The following CDH20 variants were observed in gnomAD, a reference collection of about 807,000 sequenced individuals.
The protein encoded by CDH20 is cadherin-20.
CDH20 carries 29 observed loss-of-function variants against 74.2 expected under a neutral mutation model. That is an observed-to-expected ratio of 0.39 (90% confidence interval 0.29 to 0.53). The LOEUF (loss-of-function observed/expected upper bound fraction) is 0.53. Ranked by LOEUF, CDH20 falls within the 20% of genes least tolerant of loss-of-function variation. The pLI is 0.69. For synonymous variants in CDH20, 469 were observed against 405.4 expected, an observed-to-expected ratio of 1.16 and a Z score of -1.88; for missense variants, 988 against 1,048.3, an observed-to-expected ratio of 0.94 and a Z score of 0.79.
intron 1 of CDH20, among the ~76,000 whole-genome samples, chr18:61,396,541 T>G (rs1411698006): frequency 6.6e-6 from 1 of 152,196 alleles, no homozygotes; most frequent in Non-Finnish European, 1.5e-5. Flanking sequence ...CTCCTTTCTG[T>G]TAGACAGCTC....
chr18:61,435,021 C>A (rs1342438562), intron 1 of CDH20, among the ~76,000 whole-genome samples: 5 of 152,096 alleles, frequency 3.3e-5, no homozygotes, highest in Non-Finnish European at 7.4e-5. Context: ...ATAAAGACAA[C>A]AATGACAAAG....
chr18:61,386,459 G>A (rs1340993081), intron 1 of CDH20, among the ~76,000 whole-genome samples: 1 of 152,158 alleles, frequency 6.6e-6, no homozygotes, highest in African/African-American at 2.4e-5. Flanking sequence ...CCAGCCTCCA[G>A]AACTATGAGA....
chr18:61,467,965 A>G (rs1910024269), intron 1 of CDH20, among the ~76,000 whole-genome samples: 1 of 152,228 alleles, frequency 6.6e-6, no homozygotes, highest in Non-Finnish European at 1.5e-5. Context: ...AGGAACTACT[A>G]TTAGCTTCGT....
intron 6 of CDH20, among the ~76,000 whole-genome samples, chr18:61,510,219 G>A (rs145342619): frequency 2.6e-5 from 4 of 152,174 alleles, no homozygotes; most frequent in Admixed American, 6.5e-5. Flanking sequence ...ACAGTGAAAC[G>A]AGCCCTGAGG....
intron 1 of CDH20, among the ~76,000 whole-genome samples, chr18:61,357,550 G>A (rs577692737): frequency 2.2e-4 from 34 of 152,282 alleles, no homozygotes; most frequent in African/African-American, 6.0e-4. Flanking sequence ...AAATGGCTGC[G>A]TTGTCTCCAG....
chr18:61,535,243 G>A (rs1013250302), intron 7 of CDH20, among the ~76,000 whole-genome samples: 2 of 151,944 alleles, frequency 1.3e-5, no homozygotes, highest in Non-Finnish European at 2.9e-5. Context: ...TTGAACCCAG[G>A]AGGCAGAGGC....
At chr18:61,387,762 C>T (rs1032301170) in intron 1 of CDH20, among the ~76,000 whole-genome samples, 1 of 152,150 alleles carries the variant, frequency 6.6e-6, no homozygotes, top group Non-Finnish European at 1.5e-5. Flanking sequence ...TTACAGTCTT[C>T]TAGTGCTTTG....
chr18:61,473,117 G>A (rs755258477), intron 1 of CDH20, among the ~76,000 whole-genome samples: 9 of 152,234 alleles, frequency 5.9e-5, no homozygotes, highest in Non-Finnish European at 1.2e-4. Flanking sequence ...ATTATGAACA[G>A]TATAATCAGA....
At chr18:61,427,525 GACT>G (rs1195760652) in intron 1 of CDH20, among the ~76,000 whole-genome samples, 1 of 152,142 alleles carries the variant, frequency 6.6e-6, no homozygotes, top group African/African-American at 2.4e-5. Context: ...TTTTGTCTGA[GACT>G]ACCAAAAAGT....
chr18:61,424,185 A>G (rs1252652337), intron 1 of CDH20, among the ~76,000 whole-genome samples: 1 of 152,232 alleles, frequency 6.6e-6, no homozygotes, highest in Non-Finnish European at 1.5e-5. Context: ...TATGATATCC[A>G]TCACCTCAAA....
chr18:61,503,843 G>C (rs186585254), intron 5 of CDH20, among the ~76,000 whole-genome samples: 1 of 152,154 alleles, frequency 6.6e-6, no homozygotes. Flanking sequence ...TTCAACAGGG[G>C]GCTAAAGAAT....
Position 61,545,150 on chromosome 18 carries a change from C to T in CDH20, c.1648+6C>T. ...TACCATAAGGGACAACCAAGGTAAT[C>T]AGGTGGATGGTTGGCTATCTGTGCT... On this transcript the variant is annotated splice_donor_region_variant and intron_variant, in intron 10 of 11. Transcript: ENST00000262717. The T allele has an allele frequency of 6.4e-7, 1 of 1,568,654 alleles. No homozygotes were observed. Among genetic ancestry groups the T allele is most frequent in the Non-Finnish European group, 8.8e-7 (1 of 1,138,480 alleles).
At position 61,536,548 on chromosome 18, in the gene CDH20, A is replaced by G. The variant is rs767369837; in HGVS notation, c.1327A>G (p.Thr443Ala). 6.2e-7 allele frequency: 1 copy of G among 1,613,262 alleles called. No individual in the cohort carries two copies. Among genetic ancestry groups the G allele is most frequent in the Admixed American group, 1.7e-5 (1 of 60,026 alleles). ...PGRFFYVDIT[T>A]GALMTARPLD... ...AAGATTTTTCTATGTTGACATTACA[A>G]CAGGTGCCCTAATGACAGCAAGACC... The change falls in exon 8 of 12, where the codon ACA becomes GCA. Residue 443 changes from threonine (T) to alanine (A), a missense_variant. Coordinates refer to ENST00000262717, the MANE Select transcript of CDH20 (RefSeq NM_031891.4).
rs575147561 is a variant in CDH20, at chr18:61,367,446, G to A, written c.-153+33619G>A. On this transcript the variant is annotated intron_variant, in intron 1 of 11. Coordinates refer to ENST00000262717, the MANE Select transcript of CDH20 (RefSeq NM_031891.4). ...CACAGATTTATTATCTCACAGACCT[G>A]TACTTCACAAGTCTAAAATGGTTCT... is the stretch of plus-strand genomic sequence containing the variant. 4.6e-5 allele frequency among the ~76,000 whole-genome samples: 7 copies of A among 152,290 alleles called. No homozygotes were observed. In the East Asian group the frequency reaches 1.4e-3, roughly 29 times the overall value.
At chr18:61,514,042 G>A (rs2144342970) in intron 6 of CDH20, among the ~76,000 whole-genome samples, 1 of 152,120 alleles carries the variant, frequency 6.6e-6, no homozygotes, top group East Asian at 1.9e-4. Flanking sequence ...TCTGAACATT[G>A]GCCTGCCTTG....
intron 1 of CDH20, among the ~76,000 whole-genome samples, chr18:61,388,136 A>C (rs1911662839): frequency 6.6e-6 from 1 of 152,192 alleles, no homozygotes; most frequent in Non-Finnish European, 1.5e-5. Context: ...TCTGTCCAGG[A>C]AGGAGGAGGC....
intron 1 of CDH20, among the ~76,000 whole-genome samples, chr18:61,347,504 A>G (rs993577948): frequency 4.0e-5 from 6 of 150,214 alleles, no homozygotes; most frequent in Non-Finnish European, 7.4e-5. Context: ...GGGTTGATGG[A>G]GTGACACCCT....
chr18:61,440,163 T>C (rs1908981324), intron 1 of CDH20, among the ~76,000 whole-genome samples: 2 of 152,152 alleles, frequency 1.3e-5, no homozygotes, highest in Non-Finnish European at 2.9e-5. Context: ...GTAGTGTAGA[T>C]AAAGTATGCA....
At chr18:61,533,780 T>C (rs1254483888) in intron 7 of CDH20, among the ~76,000 whole-genome samples, 1 of 151,766 alleles carries the variant, frequency 6.6e-6, no homozygotes, top group Non-Finnish European at 1.5e-5. Context: ...CTTTAATCCA[T>C]TTTAAGTTGA....
Sources: gnomAD v4.1 joint callset for allele counts (sites outside exome capture counted in the v4.1 genomes callset) on GRCh38, gnomAD v4.1.1 for gene constraint, MANE v1.5 for transcripts, NCBI Gene and HGNC (gene_info 2026-07-23, HGNC 2026-07-21) for gene names.